The following PBX1 variants were observed in gnomAD, a reference collection of about 807,000 sequenced individuals.
PBX1 encodes pre-B-cell leukemia transcription factor 1.
PBX1 carries 6 observed loss-of-function variants against 53.4 expected under a neutral mutation model. That is an observed-to-expected ratio of 0.11 (90% CI 0.06 to 0.22). The LOEUF (loss-of-function observed/expected upper bound fraction) is 0.22, where lower values mean the gene tolerates loss of function less well. PBX1 is among the 10% of genes least tolerant of loss of function. The pLI is 1.00. For synonymous variants in PBX1, 204 were observed against 212.3 expected (o/e 0.96, Z 0.34); for missense variants, 251 against 551.4 (o/e 0.46, Z 5.46).
chr1:164,634,540 T>C (rs1658618425), intron 2 of PBX1, among the ~76,000 whole-genome samples: 1 of 152,188 alleles, frequency 6.6e-6, no homozygotes, highest in Admixed American at 6.5e-5. Context: ...ATCAGTTTCT[T>C]CTTTAGTCCC....
chr1:164,657,400 G>T (rs971870320), intron 2 of PBX1: 4 of 152,162 alleles, frequency 2.6e-5, no homozygotes, highest in African/African-American at 9.7e-5. Context: ...TTATCATGAT[G>T]CATTAAAACT....
At chr1:164,771,759 G>A (rs1288065405) in intron 2 of PBX1, among the ~76,000 whole-genome samples, 5 of 152,062 alleles carry the variant, frequency 3.3e-5, no homozygotes, top group African/African-American at 1.2e-4. Context: ...TTACTCATAG[G>A]CAATCAGAAA....
At chr1:164,560,180 C>G (rs1382338601) in intron 1 of PBX1, 167 bp downstream of exon 1, 2 of 542,906 alleles carry the variant, frequency 3.7e-6, no homozygotes, top group Admixed American at 7.7e-5. Flanking sequence ...TTTGAAGGAG[C>G]GTTGTTATCG....
chr1:164,632,847 A>G (rs1369613769), intron 2 of PBX1, among the ~76,000 whole-genome samples: 1 of 152,204 alleles, frequency 6.6e-6, no homozygotes, highest in Non-Finnish European at 1.5e-5. Context: ...ACAAAAGGAT[A>G]TAATTAAGGT....
At chr1:164,788,513 T>C (rs1668313622) in intron 2 of PBX1, among the ~76,000 whole-genome samples, 1 of 152,122 alleles carries the variant, frequency 6.6e-6, no homozygotes, top group Admixed American at 6.5e-5. Flanking sequence ...CAAGGTTGTT[T>C]ATTGGTCCAT....
intron 8 of PBX1, chr1:164,829,752 A>G (rs927096016): frequency 6.6e-6 from 1 of 151,988 alleles, no homozygotes; most frequent in African/African-American, 2.4e-5. Flanking sequence ...CTTCCTGCAC[A>G]TGTACCCCAG....
intron 2 of PBX1, among the ~76,000 whole-genome samples, chr1:164,720,001 T>A (rs1475871106): frequency 1.3e-5 from 2 of 152,156 alleles, no homozygotes; most frequent in Non-Finnish European, 2.9e-5. Context: ...GTTGAACATT[T>A]CCAGTTTTAC....
At chr1:164,670,871 C>T (rs1449674012) in intron 2 of PBX1, among the ~76,000 whole-genome samples, 2 of 152,178 alleles carry the variant, frequency 1.3e-5, no homozygotes, top group African/African-American at 4.8e-5. Flanking sequence ...TGTGTCCCTG[C>T]GCCCGTGTGC....
chr1:164,687,754 A>T (rs1245671788), intron 2 of PBX1, among the ~76,000 whole-genome samples: 1 of 152,156 alleles, frequency 6.6e-6, no homozygotes, highest in African/African-American at 2.4e-5. Flanking sequence ...TGGACCAGCC[A>T]TACAGTTAGT....
chr1:164,603,836 GTATC>G (rs1656343416), intron 2 of PBX1, among the ~76,000 whole-genome samples: 1 of 144,498 alleles, frequency 6.9e-6, no homozygotes, highest in Admixed American at 7.0e-5. Context: ...TACCTGAATT[GTATC>G]TATCTATGAA....
At chr1:164,826,175 T>C (rs562711865) in intron 8 of PBX1, among the ~76,000 whole-genome samples, 77 of 152,294 alleles carry the variant, frequency 5.1e-4, no homozygotes, top group African/African-American at 1.8e-3. Context: ...GATTCATTGT[T>C]AGCTCAAGGG....
At chr1:164,662,831 CA>C (rs1292012311) in intron 2 of PBX1, among the ~76,000 whole-genome samples, 73 of 88,586 alleles carry the variant, frequency 8.2e-4, no homozygotes, top group African/African-American at 2.0e-3. Context: ...CATGTGTGAA[CA>C]TTTATTTTTT....
At chr1:164,706,720 GA>G (rs1663446571) in intron 2 of PBX1, among the ~76,000 whole-genome samples, 1 of 152,116 alleles carries the variant, frequency 6.6e-6, no homozygotes, top group Admixed American at 6.5e-5. Flanking sequence ...GTAACAGTGA[GA>G]ACCAGGAAGA....
intron 2 of PBX1, among the ~76,000 whole-genome samples, chr1:164,712,792 G>A (rs1334208913): frequency 6.6e-6 from 1 of 152,154 alleles, no homozygotes; most frequent in Non-Finnish European, 1.5e-5. Context: ...TCCGTTCAGC[G>A]TCTCCGTGCA....
At chr1:164,617,050 A>G (rs1657326147) in intron 2 of PBX1, among the ~76,000 whole-genome samples, 1 of 152,186 alleles carries the variant, frequency 6.6e-6, no homozygotes, top group South Asian at 2.1e-4. Context: ...AAATAGTATA[A>G]CTTCATCTTA....
At chr1:164,800,530 C>T (rs181952146) in intron 4 of PBX1, among the ~76,000 whole-genome samples, 50 of 152,230 alleles carry the variant, frequency 3.3e-4, no homozygotes, top group Non-Finnish European at 3.4e-4. Flanking sequence ...ATAGAAAGGA[C>T]CTTTAAAAGA....
At chr1:164,605,581 C>T (rs868562828) in intron 2 of PBX1, among the ~76,000 whole-genome samples, 5 of 152,192 alleles carry the variant, frequency 3.3e-5, no homozygotes, top group Middle Eastern at 3.4e-3. Flanking sequence ...AATACAACCC[C>T]GTTAATTGAA....
intron 3 of PBX1, among the ~76,000 whole-genome samples, chr1:164,798,500 A>C (rs576843375): frequency 6.6e-6 from 1 of 152,340 alleles, no homozygotes; most frequent in African/African-American, 2.4e-5. Context: ...AGAGGGCAGG[A>C]GTTTTCAGAG....
intron 2 of PBX1, among the ~76,000 whole-genome samples, chr1:164,741,739 A>AGTGTGTGTGTGTGTGTGTGT (rs57771496): frequency 7.1e-6 from 1 of 140,812 alleles, no homozygotes; most frequent in Non-Finnish European, 1.5e-5. Flanking sequence ...TGTATGAGTG[A>AGTGTGTGTGTGTGTGTGTGT]GTGTGTGTGT....
Sources: allele counts gnomAD v4.1 joint callset (sites outside exome capture counted in the v4.1 genomes callset), GRCh38; gene constraint gnomAD v4.1.1; transcripts MANE v1.5; gene names NCBI Gene and HGNC (gene_info 2026-07-23, HGNC 2026-07-21).